Variants in TK2 observed in about 807,000 individuals in gnomAD.
The protein encoded by TK2 is thymidine kinase 2, mitochondrial.
In TK2, 35 loss-of-function variants were observed where a neutral mutation model predicts 41.9. That is an observed-to-expected ratio of 0.84 (90% CI 0.64 to 1.11). The LOEUF is 1.11. TK2 is among the 50% of genes least tolerant of loss of function. The probability of loss-of-function intolerance (pLI) is 0.00; values close to 1 mark genes in which losing one functional copy is unlikely to be tolerated. For missense variants in TK2, 320 were observed against 351.1 expected, an observed-to-expected ratio of 0.91 and a Z score of 0.71; for synonymous variants, 128 against 129.1, an observed-to-expected ratio of 0.99 and a Z score of 0.06.
Position 66,549,001 on chromosome 16 carries a change from GTTCT to G in TK2, c.129_132del (p.Lys43AsnfsTer9), listed in dbSNP as rs281865500. On this transcript the variant is annotated frameshift_variant, in exon 2 of 10. Transcript: ENST00000544898. LOFTEE classifies it high-confidence loss of function. ...ACCACTGATTTTTTCTCTTTTTCCT[GTTCT>G]TTATCTACAAAAGAAAGGAAATCAG... is the stretch of plus-strand genomic sequence containing the variant. The G allele has an allele frequency of 3.1e-6, 5 of 1,613,338 alleles. No individual in the cohort carries two copies. Among genetic ancestry groups the G allele is most frequent in the Non-Finnish European group, 4.2e-6 (5 of 1,179,658 alleles).
intron 4 of TK2, among the ~76,000 whole-genome samples, chr16:66,536,614 G>A (rs1027475015): frequency 6.6e-6 from 1 of 152,156 alleles, no homozygotes; most frequent in Non-Finnish European, 1.5e-5. Flanking sequence ...AGGTCCTGGG[G>A]GGGTTAGGCC....
chr16:66,509,758 G>A lies in TK2; in HGVS notation c.*2210C>T, dbSNP rs188274164. On this transcript the variant is annotated 3_prime_UTR_variant, in exon 10 of 10. Coordinates refer to ENST00000544898, the MANE Select transcript of TK2 (RefSeq NM_004614.5). ...AGTGCTCTAAGGACAAGGCCCTGTT[G>A]TGCCCATGTGCCATCTGCCCTTCTC... The A allele has an allele frequency of 5.0e-4, 76 of 152,866 alleles. No individual in the cohort carries two copies. Among genetic ancestry groups the A allele is most frequent in the Non-Finnish European group, 7.9e-4 (54 of 68,410 alleles). 9.5% of individuals were successfully genotyped at this position (152,866 alleles called of 1,614,324 possible). A position where few individuals can be genotyped will look rare whatever the true frequency, so the allele number is the denominator to read the frequency against.
Position 66,517,642 on chromosome 16 carries a change from C to T in TK2, c.538+147G>A. On this transcript the variant is annotated intron_variant, in intron 7 of 9. Transcript: ENST00000544898. This position sits in a 1 kb window ranked among gnomAD's most constrained non-coding sequence, Gnocchi z 4.3. ...AGAAGTCCCGAATTCTGTCTGCCCT[C>T]AGGGAGAAAGCTGAACTCCCATGGG... The T allele has an allele frequency of 1.3e-6, 1 of 763,050 alleles. No individual in the cohort carries two copies. The highest frequency in any genetic ancestry group is 2.3e-6 in the Non-Finnish European group (1 of 426,496). 47.3% of individuals were successfully genotyped at this position (763,050 alleles called of 1,614,324 possible).
At chr16:66,529,159 G>GAGTA in intron 5 of TK2, 92 bp from the exon 6 acceptor site, 2 of 1,207,166 alleles carry the variant, frequency 1.7e-6, no homozygotes, top group Non-Finnish European at 2.4e-6. Flanking sequence ...CCTGCCTGGG[G>GAGTA]ACTTTGCTGA....
rs1567544384 is a variant in TK2, at chr16:66,550,049, G to C, written c.13C>G (p.Pro5Ala). Reference protein sequence around the residue: MLLWPLRGWAARALR... With the variant: MLLWALRGWAARALR... ...GCCCGGGCGGCCCAGCCCCGCAGCG[G>C]CCACAGCAGCATAGCCGGGCGAGCG... The change falls in exon 1 of 10, where the codon CCG becomes GCG. Residue 5 changes from proline (P) to alanine (A), a missense_variant. By Grantham distance (27) the Pro-to-Ala change is conservative. Transcript: ENST00000544898. The C allele has an allele frequency of 1.6e-5, 25 of 1,573,216 alleles. No individual in the cohort carries two copies. Among genetic ancestry groups the C allele is most frequent in the Non-Finnish European group, 2.2e-5 (25 of 1,161,038 alleles).
chr16:66,514,265 G>A lies in TK2; in HGVS notation c.619-454C>T, dbSNP rs549667842. Among the ~76,000 whole-genome samples, 19 of 152,360 alleles carry A rather than the reference G, an allele frequency of 1.2e-4. No individual in the cohort carries two copies. In the South Asian group the frequency reaches 1.4e-3, roughly 12 times the overall value. ...CTGCCAAGTGCCTGGGATTGCAGGC[G>A]CGCACCGCCATGCCTGACTGGTTTT... On this transcript the variant is annotated intron_variant, in intron 8 of 9. Transcript: ENST00000544898. The surrounding 1 kb of genome is among the most constrained non-coding windows in gnomAD (Gnocchi z 4.2).
At chr16:66,533,335 CAA>C (rs57612451) in intron 4 of TK2, among the ~76,000 whole-genome samples, 444 of 45,096 alleles carry the variant, frequency 9.8e-3, no homozygotes, top group African/African-American at 0.029. Flanking sequence ...GACTCCATCT[CAA>C]AAAAAAAAAA....
chr16:66,519,217 C>G (rs575799630), intron 6 of TK2, among the ~76,000 whole-genome samples: 18 of 151,998 alleles, frequency 1.2e-4, no homozygotes, highest in Non-Finnish European at 2.9e-5. Flanking sequence ...TTCACTCTGT[C>G]GCCCAGGCTG....
chr16:66,523,633 G>A lies in TK2; in HGVS notation c.449+5361C>T, dbSNP rs184287266. The stretch of plus-strand genomic sequence containing the variant: ...CACTTGAGGTCAGGAGTTCGAGACC[G>A]GCCTGGCCAACATGGTAAAACCCTG... On this transcript the variant is annotated intron_variant, in intron 6 of 9. Coordinates refer to ENST00000544898, the MANE Select transcript of TK2 (RefSeq NM_004614.5). Among the ~76,000 whole-genome samples, 763 of 152,146 alleles carry A rather than the reference G, an allele frequency of 5.0e-3. 4 individuals carry two copies. The highest frequency in any genetic ancestry group is 8.9e-3 in the Non-Finnish European group (605 of 67,994).
chr16:66,547,479 C>A (rs1441070733), intron 2 of TK2, among the ~76,000 whole-genome samples: 1 of 152,098 alleles, frequency 6.6e-6, no homozygotes, highest in Non-Finnish European at 1.5e-5. Flanking sequence ...GGCCACAAGC[C>A]CAGGCCTGCA....
At position 66,514,851 on chromosome 16, in the gene TK2, A is replaced by T. The variant is rs760117090; in HGVS notation, c.619-1040T>A. Reference sequence around the variant, plus strand: ...AATTCTTCTGCCTTGGGATGCTGTTAGTCTATAACCTTACCCCCAACCCCG... The same window carrying T: ...AATTCTTCTGCCTTGGGATGCTGTTTGTCTATAACCTTACCCCCAACCCCG... On this transcript the variant is annotated intron_variant, in intron 8 of 9. Transcript: ENST00000544898. This position sits in a 1 kb window ranked among gnomAD's most constrained non-coding sequence, Gnocchi z 4.2. 1.3e-5 allele frequency among the ~76,000 whole-genome samples: 2 copies of T among 151,650 alleles called. No homozygotes were observed. The highest frequency in any genetic ancestry group is 2.9e-5 in the Non-Finnish European group (2 of 67,862).
intron 6 of TK2, among the ~76,000 whole-genome samples, chr16:66,527,208 A>G (rs571147804): frequency 6.6e-6 from 1 of 152,344 alleles, no homozygotes; most frequent in East Asian, 1.9e-4. Flanking sequence ...GCTGCAGCCC[A>G]CAAGAAAAGT....
intron 9 of TK2, 97 bp from the exon 10 acceptor site, chr16:66,512,163 G>A: frequency 1.9e-6 from 2 of 1,073,126 alleles, no homozygotes; most frequent in Non-Finnish European, 2.9e-6. Flanking sequence ...GCAGCAGGGG[G>A]CAGGGAAGGG....
chr16:66,520,409 C>T (rs1478835084), intron 6 of TK2, among the ~76,000 whole-genome samples: 1 of 152,166 alleles, frequency 6.6e-6, no homozygotes, highest in Non-Finnish European at 1.5e-5. Context: ...TAGGCACAAT[C>T]GGTCTAAAGG....
intron 2 of TK2, among the ~76,000 whole-genome samples, chr16:66,547,687 C>T (rs1013242881): frequency 6.6e-6 from 1 of 151,932 alleles, no homozygotes; most frequent in Non-Finnish European, 1.5e-5. Context: ...AGACCTCCCC[C>T]ATCAGACAAA....
At chr16:66,525,790 G>T (rs1032237213) in intron 6 of TK2, among the ~76,000 whole-genome samples, 1 of 152,214 alleles carries the variant, frequency 6.6e-6, no homozygotes, top group African/African-American at 2.4e-5. Flanking sequence ...CCCAAGAACA[G>T]AAAGGACACT....
At chr16:66,533,164 G>A (rs1965170010) in intron 4 of TK2, among the ~76,000 whole-genome samples, 1 of 150,918 alleles carries the variant, frequency 6.6e-6, no homozygotes, top group Non-Finnish European at 1.5e-5. Context: ...CTACCTTCTG[G>A]GTTCAAGCGA....
chr16:66,522,972 T>C (rs2144376322), intron 6 of TK2, among the ~76,000 whole-genome samples: 1 of 152,302 alleles, frequency 6.6e-6, no homozygotes, highest in African/African-American at 2.4e-5. Flanking sequence ...TAACTGCAGT[T>C]ACATTCTGCA....
At chr16:66,544,231 T>C (rs1033622163) in intron 2 of TK2, among the ~76,000 whole-genome samples, 3 of 152,074 alleles carry the variant, frequency 2.0e-5, no homozygotes, top group Non-Finnish European at 4.4e-5. Context: ...TCTCACAAAG[T>C]TCCCCTGAAA....
Sources: allele counts gnomAD v4.1 joint callset (sites outside exome capture counted in the v4.1 genomes callset), GRCh38; gene constraint gnomAD v4.1.1; non-coding constraint Gnocchi (gnomAD v3.1); transcripts MANE v1.5; gene names NCBI Gene and HGNC (gene_info 2026-07-23, HGNC 2026-07-21).